The following CTSV variants were observed in gnomAD, a reference collection of about 807,000 sequenced individuals.
The protein encoded by CTSV is cathepsin L2.
CTSV carries 33 observed loss-of-function variants against 35.6 expected under a neutral mutation model. The ratio of observed to expected loss-of-function variants is 0.93; its 90% confidence interval spans 0.70 to 1.24. The LOEUF is 1.24. CTSV is among the 50% of genes most tolerant of loss of function. The pLI, the probability that CTSV is intolerant of heterozygous loss-of-function variation, is 0.00. For missense variants in CTSV, 408 were observed against 413.1 expected, an observed-to-expected ratio of 0.99 and a Z score of 0.11; for synonymous variants, 154 against 147.1, an observed-to-expected ratio of 1.05 and a Z score of -0.34.
chr9:97,034,151 A>G (rs1355283977), intron 7 of CTSV, among the ~76,000 whole-genome samples: 1 of 152,212 alleles, frequency 6.6e-6, no homozygotes, highest in Non-Finnish European at 1.5e-5. Flanking sequence ...TGGGTCCTTA[A>G]CTATTTAAGA....
At chr9:97,035,301 T>C (rs1348304947) in intron 6 of CTSV, among the ~76,000 whole-genome samples, 1 of 152,186 alleles carries the variant, frequency 6.6e-6, no homozygotes, top group East Asian at 1.9e-4. Flanking sequence ...AACTGGAAAA[T>C]AGTTTGGAAA....
intron 2 of CTSV, 132 bp downstream of exon 2, chr9:97,037,786 A>T (rs1828881564): frequency 1.4e-6 from 2 of 1,382,468 alleles, no homozygotes; most frequent in Non-Finnish European, 2.0e-6. Context: ...CCCATATTGC[A>T]CCTATAATGG....
chr9:97,039,287 G>T (rs565627849), upstream of CTSV: 14 of 152,196 alleles, frequency 9.2e-5, no homozygotes, highest in Non-Finnish European at 2.9e-5. Context: ...GTCCCAACCC[G>T]TCTCAGGTCT....
rs1169526669 is a variant in CTSV, at chr9:97,036,601, G to A, written c.543C>T (p.Gly181=). 6 of 1,614,074 alleles carry A rather than the reference G, an allele frequency of 3.7e-6. No homozygotes were observed. The highest frequency in any genetic ancestry group is 4.2e-6 in the Non-Finnish European group (5 of 1,180,020). The change falls in exon 5 of 8, where the codon GGC becomes GGT. Residue 181 remains glycine (G), a synonymous_variant. Transcript: ENST00000259470. ...CATACTGGAAGGCCCTAGCCATGAA[G>A]CCACCATTGCAGCCCTGATTGCCTT... ...RPQGNQGCNG[G]FMARAFQYVK... is the part of the protein sequence containing the mutation.
chr9:97,037,916 A>C lies in CTSV; in HGVS notation c.126+2T>G, dbSNP rs200811643. The C allele has an allele frequency of 2.9e-5, 47 of 1,613,916 alleles. No individual in the cohort carries two copies. The highest frequency in any genetic ancestry group is 1.6e-4 in the Middle Eastern group (1 of 6,062). On this transcript the variant is annotated splice_donor_variant, in intron 2 of 7. Coordinates refer to ENST00000259470, the MANE Select transcript of CTSV (RefSeq NM_001333.4). LOFTEE classifies it high-confidence loss of function. ...CTCTGGACAGTTTCAGATGTTACCA[A>C]CCGCGCCATATAATCTTCTGTGTGT...
intron 4 of CTSV, among the ~76,000 whole-genome samples, chr9:97,036,954 A>G (rs1828863080): frequency 6.6e-6 from 1 of 152,056 alleles, no homozygotes; most frequent in East Asian, 1.9e-4. Flanking sequence ...AAAATACACA[A>G]AAATTAGCTG....
rs564199771 is a variant in CTSV, at chr9:97,032,227, T to A, written c.*722A>T. ...TTCAAGACCAGCCTGGCCAAGATGG[T>A]GAAACCCTCTCTCTACTAAAAATAC... is the stretch of plus-strand genomic sequence containing the variant. On this transcript the variant is annotated 3_prime_UTR_variant, in exon 8 of 8. Coordinates refer to ENST00000259470, the MANE Select transcript of CTSV (RefSeq NM_001333.4). 5 of 152,254 alleles carry A rather than the reference T, an allele frequency of 3.3e-5. No homozygotes were observed. Among genetic ancestry groups the A allele is most frequent in the African/African-American group, 1.2e-4 (5 of 41,528 alleles). The allele number at this position is 152,254 out of a possible 1,614,324, so 9.4% of individuals were successfully genotyped here. A position where few individuals can be genotyped will look rare whatever the true frequency, so the allele number is the denominator to read the frequency against.
intron 5 of CTSV, chr9:97,036,262 G>A (rs1054464759): frequency 1.5e-5 from 7 of 454,542 alleles, no homozygotes; most frequent in Admixed American, 1.4e-4. Flanking sequence ...TAGTAGAGAC[G>A]GGGTTTCACT....
chr9:97,033,512 G>A (rs1456467861), intron 7 of CTSV, among the ~76,000 whole-genome samples: 1 of 151,974 alleles, frequency 6.6e-6, no homozygotes, highest in East Asian at 1.9e-4. Flanking sequence ...GGGAGGCTGA[G>A]GCAGGAGAAT....
At position 97,029,987 on chromosome 9, in the gene CTSV, C is replaced by T. The variant is rs1470620662; in HGVS notation, c.*2962G>A. On this transcript the variant is annotated 3_prime_UTR_variant, in exon 8 of 8. Coordinates refer to ENST00000259470, the MANE Select transcript of CTSV (RefSeq NM_001333.4). Reference sequence around the variant, plus strand: ...CCATATAGCCTAGGTGTGTAATAGGCTATACCATCTAGGTTTGTGTCAGTG... The same window carrying T: ...CCATATAGCCTAGGTGTGTAATAGGTTATACCATCTAGGTTTGTGTCAGTG... 6.6e-6 allele frequency: 1 copy of T among 152,216 alleles called. No individual in the cohort carries two copies. The highest frequency in any genetic ancestry group is 1.5e-5 in the Non-Finnish European group (1 of 68,038). 9.4% of individuals were successfully genotyped at this position (152,216 alleles called of 1,614,324 possible). A position where few individuals can be genotyped will look rare whatever the true frequency, so the allele number is the denominator to read the frequency against.
chr9:97,036,078 T>TTG (rs1321428818), intron 5 of CTSV, among the ~76,000 whole-genome samples: 1 of 151,916 alleles, frequency 6.6e-6, no homozygotes, highest in Non-Finnish European at 1.5e-5. Context: ...TAATAATTTT[T>TTG]TTTTTTTTTT....
Position 97,037,995 on chromosome 9 carries a change from C to T in CTSV, c.49G>A (p.Ala17Thr), listed in dbSNP as rs757379479. ...AAATTTTGGTCAAATTTTGGAACAG[C>T]GGAGGCTATTCCCAAGCAAAAGGCA... ...LAAFCLGIAS[A>T]VPKFDQNLDT... The change falls in exon 2 of 8, where the codon GCT becomes ACT. Residue 17 changes from alanine (A) to threonine (T), a missense_variant. Physicochemically the swap from Ala to Thr is moderately conservative, Grantham distance 58. Coordinates refer to ENST00000259470, the MANE Select transcript of CTSV (RefSeq NM_001333.4). The T allele has an allele frequency of 1.2e-6, 2 of 1,613,918 alleles. No individual in the cohort carries two copies. Among genetic ancestry groups the T allele is most frequent in the Admixed American group, 1.7e-5 (1 of 59,982 alleles).
rs1438994002 is a variant in CTSV at position 97,032,591 on chromosome 9, A to G, written c.*358T>C. On this transcript the variant is annotated 3_prime_UTR_variant, in exon 8 of 8. Coordinates refer to ENST00000259470, the MANE Select transcript of CTSV (RefSeq NM_001333.4). ...CATACCATTGGCACATGAAGTTATT[A>G]TTTCAGAGCTTAATTATATTTCCTG... 2 of 172,806 alleles carry G rather than the reference A, an allele frequency of 1.2e-5. No homozygotes were observed. Among genetic ancestry groups the G allele is most frequent in the African/African-American group, 4.7e-5 (2 of 42,256 alleles). The allele number at this position is 172,806 out of a possible 1,614,324, so 10.7% of individuals were successfully genotyped here.
In CTSV at chr9:97,034,851, A is replaced by G; in HGVS notation, c.788-8T>C. Reference sequence around the variant, plus strand: ...CTGGTTCAAAATAAATGCCTGGGAGAGTAAAATTAATGCTGGGGTGAGAAG... The same window carrying G: ...CTGGTTCAAAATAAATGCCTGGGAGGGTAAAATTAATGCTGGGGTGAGAAG... On this transcript the variant is annotated splice_polypyrimidine_tract_variant and splice_region_variant and intron_variant, in intron 6 of 7. Coordinates refer to ENST00000259470, the MANE Select transcript of CTSV (RefSeq NM_001333.4). 6.2e-7 allele frequency: 1 copy of G among 1,609,536 alleles called. No homozygotes were observed. Among genetic ancestry groups the G allele is most frequent in the Non-Finnish European group, 8.5e-7 (1 of 1,176,004 alleles).
chr9:97,031,345 A>C lies in CTSV; in HGVS notation c.*1604T>G, dbSNP rs1828741151. 1 of 152,160 alleles carries C rather than the reference A, an allele frequency of 6.6e-6. No individual in the cohort carries two copies. Among genetic ancestry groups the C allele is most frequent in the South Asian group, 2.1e-4 (1 of 4,830 alleles). 9.4% of individuals were successfully genotyped at this position (152,160 alleles called of 1,614,324 possible). A position where few individuals can be genotyped will look rare whatever the true frequency, so the allele number is the denominator to read the frequency against. On this transcript the variant is annotated 3_prime_UTR_variant, in exon 8 of 8. Coordinates refer to ENST00000259470, the MANE Select transcript of CTSV (RefSeq NM_001333.4). The stretch of plus-strand genomic sequence containing the variant: ...CAGTCCCACATGCCCCTTCCCTCCC[A>C]TTGCATTCACAATGGATCACCTTTC...
At position 97,035,163 on chromosome 9, in the gene CTSV, G is replaced by A. The variant is rs1425066307; in HGVS notation, c.788-320C>T. The stretch of plus-strand genomic sequence containing the variant: ...TATCTCTGAGCCCAAATACCAACTC[G>A]CATAATCCCTTTCTGTTCCTAGGAT... On this transcript the variant is annotated intron_variant, in intron 6 of 7. Transcript: ENST00000259470. Among the ~76,000 whole-genome samples, 9 of 152,164 alleles carry A rather than the reference G, an allele frequency of 5.9e-5. No homozygotes were observed. In the South Asian group the frequency reaches 1.7e-3, roughly 28 times the overall value.
Position 97,034,734 on chromosome 9 carries a change from G to A in CTSV, c.897C>T (p.Val299=), listed in dbSNP as rs1253957177. ...AATTTTGAGTTTTATACCTGTTTTTGACGAGCCAATACTTGCTGTTATTCG... is the reference window on the plus strand; with the variant it reads ...AATTTTGAGTTTTATACCTGTTTTTAACGAGCCAATACTTGCTGTTATTCG... ...ANSNNSKYWL[V]KNSWGPEWGS... The change falls in exon 7 of 8, where the codon GTC becomes GTT. Residue 299 remains valine (V), a synonymous_variant. Transcript: ENST00000259470. The A allele has an allele frequency of 6.2e-7, 1 of 1,612,874 alleles. No homozygotes were observed. The highest frequency in any genetic ancestry group is 2.2e-5 in the East Asian group (1 of 44,854).
chr9:97,033,453 T>TAA (rs34754643), intron 7 of CTSV, among the ~76,000 whole-genome samples: 7 of 118,168 alleles, frequency 5.9e-5, no homozygotes, highest in Non-Finnish European at 5.7e-5. Context: ...TCTACTAAAT[T>TAA]AAAAAAAAAA....
chr9:97,037,193 A>G, intron 4 of CTSV, 59 bp downstream of exon 4: 1 of 1,553,074 alleles, frequency 6.4e-7, no homozygotes, highest in Non-Finnish European at 8.8e-7. Flanking sequence ...CACAGCAATG[A>G]CACCAATTCC....
Sources: allele counts gnomAD v4.1 joint callset (sites outside exome capture counted in the v4.1 genomes callset), GRCh38; gene constraint gnomAD v4.1.1; transcripts MANE v1.5; gene names NCBI Gene and HGNC (gene_info 2026-07-23, HGNC 2026-07-21).